Variants in RABGGTB observed in about 807,000 individuals in gnomAD.
The protein encoded by RABGGTB is geranylgeranyl transferase type-2 subunit beta.
A neutral mutation model predicts 44.5 loss-of-function variants in RABGGTB; 20 were observed. The observed-to-expected ratio is 0.45, with a 90% confidence interval of 0.32 to 0.65. The LOEUF (loss-of-function observed/expected upper bound fraction) is 0.65, where lower values mean the gene tolerates loss of function less well. Among genes scored for constraint, RABGGTB ranks in the 30% least tolerant of loss-of-function variants. The pLI is 0.05. For missense variants in RABGGTB, 302 were observed against 398.7 expected, an observed-to-expected ratio of 0.76 and a Z score of 2.06; for synonymous variants, 128 against 136.7, an observed-to-expected ratio of 0.94 and a Z score of 0.44.
rs748517641 is a variant in RABGGTB, at chr1:75,794,562, A to G, written c.908A>G (p.Glu303Gly). The G allele has an allele frequency of 1.9e-6, 3 of 1,613,160 alleles. No homozygotes were observed. The East Asian group carries it at 6.7e-5, about 36-fold the overall frequency. ...FGIAGLSLLG[E>G]EQIKPVNPVF... is the part of the protein sequence containing the mutation. The stretch of plus-strand genomic sequence containing the variant: ...ATTGCTGGATTGTCACTTTTGGGAG[A>G]AGAACAGATTAAACCTGTTAATCCT... Residue 303 changes from glutamate to glycine, a missense_variant, in exon 9 of 9, where the codon GAA (glutamate) becomes GGA (glycine). Transcript: ENST00000319942.
At chr1:75,787,181 C>G (rs767109443) in intron 1 of RABGGTB, 15 of 586,130 alleles carry the variant, frequency 2.6e-5, no homozygotes, top group Admixed American at 4.0e-5. Flanking sequence ...TAAGACGAAG[C>G]CTGAATGATT....
intron 2 of RABGGTB, 187 bp from the exon 3 acceptor site, chr1:75,788,972 A>G (rs574209053): frequency 1.5e-5 from 9 of 586,922 alleles, no homozygotes; most frequent in Non-Finnish European, 2.4e-5. Flanking sequence ...TTTTCTGATA[A>G]TAGTTGTGTC....
chr1:75,791,383 T>C (rs552698164), intron 5 of RABGGTB, 46 bp downstream of exon 5: 1 of 1,570,944 alleles, frequency 6.4e-7, no homozygotes, highest in East Asian at 2.3e-5. Context: ...TCATGAATAC[T>C]CTGGAATTTT....
In RABGGTB at chr1:75,792,806, A is replaced by G. The variant is rs1008766758; in HGVS notation, c.705+500A>G. Among the ~76,000 whole-genome samples, 4 of 152,242 alleles carry G rather than the reference A, an allele frequency of 2.6e-5. No homozygotes were observed. The East Asian group carries it at 5.8e-4, about 22-fold the overall frequency. ...AATGAATGAGTATGGCTGTGTTCCA[A>G]TTACAATTATTATGGATGGATATAC... On this transcript the variant is annotated intron_variant, in intron 7 of 8. Transcript: ENST00000319942.
At position 75,789,026 on chromosome 1, in the gene RABGGTB, C is replaced by CTA. The variant is rs1364890484; in HGVS notation, c.112-132_112-131dup. ...TTGAGCAGCACAGATTTTAAACTCACTACTGATCAGTGCTGTTAAGGTCAG... is the reference window on the plus strand; with the variant it reads ...TTGAGCAGCACAGATTTTAAACTCACTATACTGATCAGTGCTGTTAAGGTCAG... On this transcript the variant is annotated intron_variant, in intron 2 of 8. Transcript: ENST00000319942. The CTA allele has an allele frequency of 5.6e-6, 4 of 720,712 alleles. 1 individual carries two copies. The African/African-American group carries it at 7.1e-5, about 13-fold the overall frequency. The allele number at this position is 720,712 out of a possible 1,614,324, so 44.6% of individuals were successfully genotyped here.
intron 6 of RABGGTB, 122 bp downstream of exon 6, chr1:75,791,693 A>G: frequency 1.3e-6 from 1 of 795,832 alleles, no homozygotes; most frequent in South Asian, 1.8e-5. Flanking sequence ...GTAATAGGGC[A>G]TCTTACATAA....
At chr1:75,789,541 G>T in intron 3 of RABGGTB, 185 bp downstream of exon 3, 1 of 784,724 alleles carries the variant, frequency 1.3e-6, no homozygotes, top group Non-Finnish European at 2.3e-6. Context: ...AAATTACACT[G>T]AGACCTTGGA....
rs377109044 is a variant in RABGGTB at position 75,791,864 on chromosome 1, A to G, written c.579+293A>G. ...AACCATACAGATAAAAAAAAAAACA[A>G]CACATTTTTCTTTCTTTCCTAAGAT... On this transcript the variant is annotated intron_variant, in intron 6 of 8. Coordinates refer to ENST00000319942, the MANE Select transcript of RABGGTB (RefSeq NM_004582.4). The G allele has an allele frequency of 2.2e-4, 92 of 412,860 alleles. 3 individuals are homozygous for G. The South Asian group carries it at 3.8e-3, about 17-fold the overall frequency. 25.6% of individuals were successfully genotyped at this position (412,860 alleles called of 1,614,324 possible). A position where few individuals can be genotyped will look rare whatever the true frequency, so the allele number is the denominator to read the frequency against.
intron 7 of RABGGTB, chr1:75,793,801 G>A (rs1267257816): frequency 3.4e-6 from 1 of 292,480 alleles, no homozygotes; most frequent in Non-Finnish European, 6.3e-6. Context: ...ATTGCAGATA[G>A]AAACAAAGCA....
intron 4 of RABGGTB, 50 bp from the exon 5 acceptor site, chr1:75,791,235 C>T (rs765851245): frequency 6.9e-6 from 10 of 1,454,296 alleles, no homozygotes; most frequent in African/African-American, 1.4e-5. Context: ...TTAGATGACT[C>T]ATGTATGATT....
intron 4 of RABGGTB, 187 bp downstream of exon 4, chr1:75,790,244 T>G: frequency 7.6e-7 from 1 of 1,307,380 alleles, no homozygotes; most frequent in East Asian, 2.9e-5. Context: ...ACAGGAGCAC[T>G]GGAACAGAGG....
Position 75,787,624 on chromosome 1 carries a change from G to A in RABGGTB, c.111+20G>A. 1 of 1,567,778 alleles carries A rather than the reference G, an allele frequency of 6.4e-7. No individual in the cohort carries two copies. Among genetic ancestry groups the A allele is most frequent in the South Asian group, 1.1e-5 (1 of 90,086 alleles). ...GATTATGTATGTATAATTTTTTTAT[G>A]TTGGAAAGTTTATTTTAAAGAAGTG... On this transcript the variant is annotated intron_variant, in intron 2 of 8. Coordinates refer to ENST00000319942, the MANE Select transcript of RABGGTB (RefSeq NM_004582.4).
chr1:75,793,759 GCTT>G (rs1432423405), intron 7 of RABGGTB: 1 of 216,144 alleles, frequency 4.6e-6, no homozygotes, highest in Non-Finnish European at 9.0e-6. Context: ...TATACTGCTA[GCTT>G]CTTGGTTAAG....
Position 75,795,009 on chromosome 1 carries a change from T to C in RABGGTB, c.*359T>C, listed in dbSNP as rs1649736893. On this transcript the variant is annotated 3_prime_UTR_variant, in exon 9 of 9. Coordinates refer to ENST00000319942, the MANE Select transcript of RABGGTB (RefSeq NM_004582.4). ...TAAATTGGTTTGTCAACAAGAATGT[T>C]AACTGATGAAAGTGGATAGAACCCA... 4.2e-6 allele frequency: 1 copy of C among 236,938 alleles called. No homozygotes were observed. Among genetic ancestry groups the C allele is most frequent in the Non-Finnish European group, 8.5e-6 (1 of 117,988 alleles). 14.7% of individuals were successfully genotyped at this position (236,938 alleles called of 1,614,324 possible).
rs567258996 is a variant in RABGGTB, at chr1:75,789,973, A to G, written c.331A>G (p.Ile111Val). The stretch of plus-strand genomic sequence containing the variant: ...GCAGATTCTTACGCTGTATGACAGT[A>G]TTAATGTTATTGACGTAAATAAAGT... ...AVQILTLYDS[I>V]NVIDVNKVVE... Residue 111 changes from isoleucine to valine, a missense_variant, in exon 4 of 9, where the codon ATT (isoleucine) becomes GTT (valine). Around this residue, in one of 2 missense-constraint regions of RABGGTB, gnomAD observed 213 missense variants for 323.7 expected, o/e 0.66. Coordinates refer to ENST00000319942, the MANE Select transcript of RABGGTB (RefSeq NM_004582.4). 3.7e-6 allele frequency: 6 copies of G among 1,609,884 alleles called. No individual in the cohort carries two copies. The highest frequency in any genetic ancestry group is 3.3e-5 in the Admixed American group (2 of 59,728).
upstream of RABGGTB, chr1:75,786,246 C>A: frequency 1.9e-6 from 3 of 1,614,060 alleles, no homozygotes; most frequent in East Asian, 2.2e-5. Context: ...AGGAACTGAC[C>A]CTGCTCTCTC....
Position 75,789,142 on chromosome 1 carries a change from A to G in RABGGTB, c.112-17A>G. 6.2e-7 allele frequency: 1 copy of G among 1,606,824 alleles called. No individual in the cohort carries two copies. The highest frequency in any genetic ancestry group is 2.2e-5 in the East Asian group (1 of 44,826). ...CCAGTTCAAATGACAGATTTAAGAA[A>G]TTGTGTATTATTTTAGGAATACTGT... On this transcript the variant is annotated splice_polypyrimidine_tract_variant and intron_variant, in intron 2 of 8. Coordinates refer to ENST00000319942, the MANE Select transcript of RABGGTB (RefSeq NM_004582.4).
At chr1:75,788,170 A>AT (rs1189362068) in intron 2 of RABGGTB, 1 of 281,582 alleles carries the variant, frequency 3.6e-6, no homozygotes, top group Non-Finnish European at 7.1e-6. Flanking sequence ...AACCTTGAAA[A>AT]TACTCTATTA....
intron 4 of RABGGTB, chr1:75,790,357 A>G: frequency 4.4e-6 from 1 of 227,768 alleles, no homozygotes; most frequent in Non-Finnish European, 5.9e-6. Flanking sequence ...AAAATATTTA[A>G]AAAAAAAAAC....
Sources: allele counts gnomAD v4.1 joint callset (sites outside exome capture counted in the v4.1 genomes callset), GRCh38; gene constraint gnomAD v4.1.1; regional missense constraint gnomAD v4.1.1; transcripts MANE v1.5; gene names NCBI Gene and HGNC (gene_info 2026-07-23, HGNC 2026-07-21).